Variants in AGAP1 observed in about 807,000 individuals in gnomAD.
AGAP1 encodes ArfGAP with GTPase domain, ankyrin repeat and PH domain 1.
Under a neutral mutation model 105.3 loss-of-function variants are expected in AGAP1, and 29 were observed. The ratio of observed to expected loss-of-function variants is 0.28; its 90% CI spans 0.21 to 0.38. The LOEUF (loss-of-function observed/expected upper bound fraction) is 0.38. AGAP1 is among the 10% of genes least tolerant of loss of function. The pLI is 1.00. For missense variants in AGAP1, 998 were observed against 1,165.1 expected (o/e 0.86, Z 2.09); for synonymous variants, 509 against 485.9 (o/e 1.05, Z -0.63).
In AGAP1 at chr2:235,599,845, C is replaced by T. The variant is rs1329756548; in HGVS notation, c.163+104996C>T. ...TGGGATGTGATGGCACGGTCAGTCG[C>T]CCCTGGTGGAGGCAATGCTGGTACC... On this transcript the variant is annotated intron_variant, in intron 1 of 17. Coordinates refer to ENST00000304032, the MANE Select transcript of AGAP1 (RefSeq NM_001037131.3). This position sits in a 1 kb window ranked among gnomAD's most constrained non-coding sequence, Gnocchi z 5.3. Among the ~76,000 whole-genome samples the T allele has an allele frequency of 6.6e-6, 1 of 152,180 alleles. No individual in the cohort carries two copies. The highest frequency in any genetic ancestry group is 1.5e-5 in the Non-Finnish European group (1 of 68,036).
rs1226246472 is a variant in AGAP1 at position 235,676,756 on chromosome 2, T to C, written c.164-32423T>C. Among the ~76,000 whole-genome samples the C allele has an allele frequency of 3.3e-5, 5 of 152,338 alleles. No individual in the cohort carries two copies. The East Asian group carries it at 9.6e-4, about 29-fold the overall frequency. On this transcript the variant is annotated intron_variant, in intron 1 of 17. Transcript: ENST00000304032. ...CCTTTAGGCTATTGTCAATTTGTTTTCCTGTAATGATTTGAAACAATTATA... is the reference window on the plus strand; with the variant it reads ...CCTTTAGGCTATTGTCAATTTGTTTCCCTGTAATGATTTGAAACAATTATA...
intron 16 of AGAP1, among the ~76,000 whole-genome samples, chr2:236,085,514 C>T (rs186755340): frequency 6.6e-6 from 1 of 152,334 alleles, no homozygotes; most frequent in Non-Finnish European, 1.5e-5. Context: ...CCCCAGTTTC[C>T]CCACACAAAG....
At chr2:235,645,487 C>T (rs1575031346) in intron 1 of AGAP1, among the ~76,000 whole-genome samples, 1 of 152,174 alleles carries the variant, frequency 6.6e-6, no homozygotes, top group Non-Finnish European at 1.5e-5. Flanking sequence ...ATTGCCCTTT[C>T]ACATTAGGTT....
intron 13 of AGAP1, among the ~76,000 whole-genome samples, chr2:236,017,149 C>T (rs1374243034): frequency 2.0e-5 from 3 of 151,758 alleles, no homozygotes; most frequent in Admixed American, 1.3e-4. Context: ...AAAAATTACC[C>T]GAGCATAGTG....
intron 6 of AGAP1, among the ~76,000 whole-genome samples, chr2:235,759,308 A>G (rs1317110520): frequency 1.3e-5 from 2 of 151,678 alleles, no homozygotes; most frequent in Admixed American, 6.6e-5. Flanking sequence ...AGCTGGGACT[A>G]CAGGCGCCTG....
intron 9 of AGAP1, among the ~76,000 whole-genome samples, chr2:235,868,627 A>C (rs1422429466): frequency 6.6e-6 from 1 of 152,058 alleles, no homozygotes; most frequent in African/African-American, 2.4e-5. Context: ...CCTGGTTAAG[A>C]CCCCCAGTCT....
intron 9 of AGAP1, among the ~76,000 whole-genome samples, chr2:235,812,281 C>G (rs547635955): frequency 3.3e-5 from 5 of 152,334 alleles, no homozygotes; most frequent in Non-Finnish European, 5.9e-5. Flanking sequence ...GTGGGAAAAG[C>G]CTTCCCAAGC....
intron 2 of AGAP1, among the ~76,000 whole-genome samples, chr2:235,711,108 G>A (rs527843353): frequency 3.3e-5 from 5 of 152,350 alleles, no homozygotes; most frequent in South Asian, 2.1e-4. Context: ...CTTTCTCGAC[G>A]GTAAAAACCT....
At chr2:235,619,300 C>T (rs550619244) in intron 1 of AGAP1, among the ~76,000 whole-genome samples, 188 of 151,862 alleles carry the variant, frequency 1.2e-3, no homozygotes, top group Admixed American at 3.4e-3. Flanking sequence ...ATGATTTGCC[C>T]GAGTTCACAT....
intron 13 of AGAP1, among the ~76,000 whole-genome samples, chr2:236,016,011 C>T (rs983472749): frequency 6.7e-6 from 1 of 149,454 alleles, no homozygotes; most frequent in Non-Finnish European, 1.5e-5. Flanking sequence ...CCTGTCTTGC[C>T]GCTGAACGCC....
At position 235,983,814 on chromosome 2, in the gene AGAP1, G is replaced by A. The variant is rs1017056150; in HGVS notation, c.1645+15191G>A. Among the ~76,000 whole-genome samples, 3 of 152,160 alleles carry A rather than the reference G, an allele frequency of 2.0e-5. No individual in the cohort carries two copies. Among genetic ancestry groups the A allele is most frequent in the Non-Finnish European group, 4.4e-5 (3 of 68,024 alleles). ...AGCCACACCATCTAGGCTTATGTAT[G>A]GACTCTGTGATGGTCACACAATGAC... On this transcript the variant is annotated intron_variant, in intron 13 of 17. Transcript: ENST00000304032. This position sits in a 1 kb window ranked among gnomAD's most constrained non-coding sequence, Gnocchi z 4.5.
chr2:235,812,407 G>A (rs902841823), intron 9 of AGAP1, among the ~76,000 whole-genome samples: 2 of 152,194 alleles, frequency 1.3e-5, no homozygotes, highest in African/African-American at 4.8e-5. Context: ...AGAGGCAATT[G>A]TCAATTAAGT....
At chr2:235,678,204 C>A (rs758543227) in intron 1 of AGAP1, among the ~76,000 whole-genome samples, 2 of 152,170 alleles carry the variant, frequency 1.3e-5, no homozygotes, top group Non-Finnish European at 2.9e-5. Flanking sequence ...AGAATCCCAA[C>A]CTTCTGAGAG....
At chr2:235,532,402 G>T (rs1943074109) in intron 1 of AGAP1, among the ~76,000 whole-genome samples, 1 of 152,170 alleles carries the variant, frequency 6.6e-6, no homozygotes, top group South Asian at 2.1e-4. Flanking sequence ...TTTTTGTAGA[G>T]ATGGGGTTTC....
In AGAP1 at chr2:235,703,021, G is replaced by T. The variant is rs185150079; in HGVS notation, c.164-6158G>T. Among the ~76,000 whole-genome samples the T allele has an allele frequency of 1.1e-4, 15 of 142,564 alleles. No individual in the cohort carries two copies. The East Asian group carries it at 3.4e-3, about 32-fold the overall frequency. The allele number at this position is 142,564 out of a possible 152,430, so 93.5% of individuals were successfully genotyped here. A position where few individuals can be genotyped will look rare whatever the true frequency, so the allele number is the denominator to read the frequency against. On this transcript the variant is annotated intron_variant, in intron 1 of 17. Transcript: ENST00000304032. ...CAGCTCACTGCCACCTCCACCTCCC[G>T]GGTTTAAGCAATTCTCCTGCCCCAG... is the stretch of plus-strand genomic sequence containing the variant.
In AGAP1 at chr2:236,104,438, C is replaced by T. The variant is rs1045366329; in HGVS notation, c.2115-15754C>T. On this transcript the variant is annotated intron_variant, in intron 16 of 17. Coordinates refer to ENST00000304032, the MANE Select transcript of AGAP1 (RefSeq NM_001037131.3). This position sits in a 1 kb window ranked among gnomAD's most constrained non-coding sequence, Gnocchi z 4.7. Reference sequence around the variant, plus strand: ...ACTCCCCAACAGGGGTGGATCCTGCCCCTCGACCAGCACCTGTGCTGTCTG... The same window carrying T: ...ACTCCCCAACAGGGGTGGATCCTGCTCCTCGACCAGCACCTGTGCTGTCTG... Among the ~76,000 whole-genome samples, 1 of 152,234 alleles carries T rather than the reference C, an allele frequency of 6.6e-6. No individual in the cohort carries two copies. The highest frequency in any genetic ancestry group is 1.5e-5 in the Non-Finnish European group (1 of 68,050).
Position 235,919,468 on chromosome 2 carries a change from T to A in AGAP1, c.1324+10562T>A, listed in dbSNP as rs894979297. ...GCAAACCTGTAAAACCCGCCTCATG[T>A]TATCAGACTTGTGAGCCCGGGGTAC... On this transcript the variant is annotated intron_variant, in intron 11 of 17. Transcript: ENST00000304032. The surrounding 1 kb of genome is among the most constrained non-coding windows in gnomAD (Gnocchi z 4.1). Among the ~76,000 whole-genome samples the A allele has an allele frequency of 2.6e-5, 4 of 152,174 alleles. No individual in the cohort carries two copies. Among genetic ancestry groups the A allele is most frequent in the Non-Finnish European group, 5.9e-5 (4 of 68,042 alleles).
chr2:235,895,363 T>C (rs948836120), intron 10 of AGAP1, among the ~76,000 whole-genome samples: 4 of 152,162 alleles, frequency 2.6e-5, no homozygotes, highest in Non-Finnish European at 5.9e-5. Context: ...GCCTCTCACC[T>C]GCTTCCTGCT....
In AGAP1 at chr2:235,967,429, G is replaced by A. The variant is rs1559705171; in HGVS notation, c.1484-1033G>A. Among the ~76,000 whole-genome samples, 1 of 152,116 alleles carries A rather than the reference G, an allele frequency of 6.6e-6. No homozygotes were observed. Among genetic ancestry groups the A allele is most frequent in the Non-Finnish European group, 1.5e-5 (1 of 68,030 alleles). ...AGCTTCTGATGGACTCCAGGTTCTG[G>A]CCCGGCTGCCATGTCACTGCCACTC... On this transcript the variant is annotated intron_variant, in intron 12 of 17. Coordinates refer to ENST00000304032, the MANE Select transcript of AGAP1 (RefSeq NM_001037131.3). This position sits in a 1 kb window ranked among gnomAD's most constrained non-coding sequence, Gnocchi z 4.7.
Sources: allele counts gnomAD v4.1 joint callset (sites outside exome capture counted in the v4.1 genomes callset), GRCh38; gene constraint gnomAD v4.1.1; non-coding constraint Gnocchi (gnomAD v3.1); transcripts MANE v1.5; gene names NCBI Gene and HGNC (gene_info 2026-07-23, HGNC 2026-07-21).